ADAMTS6: variants seen among roughly 807,000 people sequenced by gnomAD.
The protein encoded by ADAMTS6 is A disintegrin and metalloproteinase with thrombospondin motifs 6.
ADAMTS6 carries 23 observed loss-of-function variants against 144.3 expected under a neutral mutation model. The ratio of observed to expected loss-of-function variants is 0.16; its 90% confidence interval spans 0.11 to 0.23. ADAMTS6 has a LOEUF of 0.23. Among genes scored for constraint, ADAMTS6 ranks in the 10% least tolerant of loss-of-function variants. The pLI is 1.00. For missense variants in ADAMTS6, 999 were observed against 1,379.6 expected, an observed-to-expected ratio of 0.72 and a Z score of 4.37; for synonymous variants, 444 against 457.5, an observed-to-expected ratio of 0.97 and a Z score of 0.38.
At chr5:65,463,585 C>T (rs956775432) in intron 3 of ADAMTS6, among the ~76,000 whole-genome samples, 5 of 152,156 alleles carry the variant, frequency 3.3e-5, no homozygotes, top group Non-Finnish European at 5.9e-5. Context: ...TTTCACCATG[C>T]CTCCTCTTTC....
chr5:65,284,972 G>T (rs562679449), intron 11 of ADAMTS6, among the ~76,000 whole-genome samples: 1 of 152,070 alleles, frequency 6.6e-6, no homozygotes, highest in African/African-American at 2.4e-5. Context: ...ACCTATAAAA[G>T]TAAGGACATT....
intron 9 of ADAMTS6, among the ~76,000 whole-genome samples, chr5:65,325,976 G>A (rs1746127896): frequency 6.6e-6 from 1 of 152,030 alleles, no homozygotes; most frequent in African/African-American, 2.4e-5. Flanking sequence ...ACATCATCAA[G>A]ATAATAAAAT....
intron 24 of ADAMTS6, among the ~76,000 whole-genome samples, chr5:65,159,611 C>T (rs1752632633): frequency 6.6e-6 from 1 of 152,198 alleles, no homozygotes; most frequent in Non-Finnish European, 1.5e-5. Flanking sequence ...CTGCTGATTA[C>T]CTGCTCCTCT....
At chr5:65,154,797 C>T (rs1752319511) in intron 24 of ADAMTS6, among the ~76,000 whole-genome samples, 1 of 152,220 alleles carries the variant, frequency 6.6e-6, no homozygotes, top group Admixed American at 6.5e-5. Context: ...AAACATCTGC[C>T]TCTGAGAACA....
intron 24 of ADAMTS6, among the ~76,000 whole-genome samples, chr5:65,159,086 A>G (rs1321758463): frequency 6.6e-6 from 1 of 152,036 alleles, no homozygotes; most frequent in Non-Finnish European, 1.5e-5. Flanking sequence ...GAACGCCTCC[A>G]TATCTCTCAT....
chr5:65,381,446 T>G (rs1387651046), intron 7 of ADAMTS6, among the ~76,000 whole-genome samples: 2 of 149,342 alleles, frequency 1.3e-5, no homozygotes, highest in African/African-American at 4.9e-5. Context: ...CACTGCAACC[T>G]CCACCTCTTG....
chr5:65,387,457 A>G (rs1043813290), intron 7 of ADAMTS6, among the ~76,000 whole-genome samples: 1 of 152,188 alleles, frequency 6.6e-6, no homozygotes, highest in African/African-American at 2.4e-5. Flanking sequence ...TGTGCCTTTT[A>G]AATTAAAAGT....
chr5:65,419,320 C>T (rs1300356397), intron 7 of ADAMTS6, among the ~76,000 whole-genome samples: 1 of 152,166 alleles, frequency 6.6e-6, no homozygotes, highest in Admixed American at 6.5e-5. Flanking sequence ...ACCACATGTT[C>T]TCACTTATAG....
At chr5:65,385,441 C>A (rs1752404231) in intron 7 of ADAMTS6, among the ~76,000 whole-genome samples, 4 of 152,154 alleles carry the variant, frequency 2.6e-5, no homozygotes, top group African/African-American at 9.7e-5. Context: ...ACTGGGTCTT[C>A]ATGATCTTGG....
chr5:65,453,009 CTAATA>C, intron 4 of ADAMTS6, 91 bp from the exon 5 acceptor site: 1 of 959,218 alleles, frequency 1.0e-6, no homozygotes, highest in Non-Finnish European at 1.5e-6. Context: ...CACAAATTCT[CTAATA>C]TATTAAGATT....
chr5:65,436,356 A>G (rs189055476), intron 7 of ADAMTS6, among the ~76,000 whole-genome samples: 1 of 152,098 alleles, frequency 6.6e-6, no homozygotes, highest in African/African-American at 2.4e-5. Flanking sequence ...CCACCGATTT[A>G]TTTCTTATCA....
At chr5:65,202,823 C>T (rs1178363609) in intron 20 of ADAMTS6, among the ~76,000 whole-genome samples, 1 of 152,128 alleles carries the variant, frequency 6.6e-6, no homozygotes. Flanking sequence ...TTAGTTACCT[C>T]TTTTTGACTT....
intron 14 of ADAMTS6, among the ~76,000 whole-genome samples, chr5:65,242,541 A>G (rs1759282983): frequency 6.6e-6 from 1 of 152,108 alleles, no homozygotes; most frequent in Non-Finnish European, 1.5e-5. Flanking sequence ...TAAAACACAA[A>G]ATCCTTTGTG....
At chr5:65,409,622 G>C (rs1358169773) in intron 7 of ADAMTS6, among the ~76,000 whole-genome samples, 9 of 152,168 alleles carry the variant, frequency 5.9e-5, no homozygotes, top group Non-Finnish European at 5.9e-5. Context: ...AGTAGAAAAA[G>C]AAGAAATCCT....
intron 7 of ADAMTS6, among the ~76,000 whole-genome samples, chr5:65,450,795 T>C (rs1026600379): frequency 6.6e-6 from 1 of 152,084 alleles, no homozygotes; most frequent in African/African-American, 2.4e-5. Flanking sequence ...ATTCCTAACA[T>C]GAGTAACATA....
chr5:65,310,858 A>C (rs1398615077), intron 9 of ADAMTS6, among the ~76,000 whole-genome samples: 1 of 152,232 alleles, frequency 6.6e-6, no homozygotes, highest in East Asian at 1.9e-4. Context: ...GTTCAAACTT[A>C]AAATTGTGTG....
chr5:65,272,650 T>C (rs1186084116), intron 12 of ADAMTS6, among the ~76,000 whole-genome samples: 1 of 152,162 alleles, frequency 6.6e-6, no homozygotes, highest in Admixed American at 6.5e-5. Context: ...TGGGGTGTGG[T>C]AGCTCATGCC....
At chr5:65,176,266 G>A (rs937428856) in intron 22 of ADAMTS6, among the ~76,000 whole-genome samples, 13 of 152,066 alleles carry the variant, frequency 8.5e-5, no homozygotes, top group South Asian at 4.1e-4. Flanking sequence ...TGCGAAAGTC[G>A]TGAAAGAAAA....
intron 7 of ADAMTS6, among the ~76,000 whole-genome samples, chr5:65,406,423 G>GTTTTT: frequency 1.3e-5 from 2 of 151,968 alleles, no homozygotes; most frequent in African/African-American, 4.8e-5. Flanking sequence ...TTTTGTCTTT[G>GTTTTT]GTTCTGTTTA....
Sources: allele counts gnomAD v4.1 joint callset (sites outside exome capture counted in the v4.1 genomes callset), GRCh38; gene constraint gnomAD v4.1.1; transcripts MANE v1.5; gene names NCBI Gene and HGNC (gene_info 2026-07-23, HGNC 2026-07-21).